The following RIMS4 variants were observed in gnomAD, a reference collection of about 807,000 sequenced individuals.
The protein encoded by RIMS4 is regulating synaptic membrane exocytosis protein 4.
Under a neutral mutation model 29.0 loss-of-function variants are expected in RIMS4, and 9 were observed. The ratio of observed to expected loss-of-function variants is 0.31; its 90% CI spans 0.19 to 0.54. The LOEUF is 0.54. RIMS4 is among the 20% of genes least tolerant of loss of function. RIMS4 has a pLI of 0.94. For missense variants in RIMS4, 193 were observed against 365.7 expected (o/e 0.53, Z 3.85); for synonymous variants, 130 against 152.9 (o/e 0.85, Z 1.10).
rs1366127349 is a variant in RIMS4, at chr20:44,809,925, TG to T, written c.97+249del. On this transcript the variant is annotated intron_variant, in intron 1 of 5. Transcript: ENST00000372851. ...CAATAGGCGCGGGTGAGGAGGGAGA[TG>T]GGTCCTGGCGACCCAAAGGGCCCAC... Among the ~76,000 whole-genome samples the T allele has an allele frequency of 2.0e-5, 3 of 150,730 alleles. 1 individual carries two copies. The highest frequency in any genetic ancestry group is 6.3e-3 in the Middle Eastern group (2 of 316).
chr20:44,789,201 T>C (rs1054475108), intron 1 of RIMS4, among the ~76,000 whole-genome samples: 20 of 152,188 alleles, frequency 1.3e-4, no homozygotes, highest in African/African-American at 4.6e-4. Context: ...AAAATCTCTA[T>C]ATTTTTTACC....
chr20:44,781,870 C>A (rs1364022121), intron 1 of RIMS4, among the ~76,000 whole-genome samples: 3 of 152,182 alleles, frequency 2.0e-5, no homozygotes, highest in Non-Finnish European at 4.4e-5. Context: ...GGAAGCTACA[C>A]AATCCACACA....
chr20:44,810,169 G>A lies in RIMS4; in HGVS notation c.97+6C>T. 1 of 1,577,124 alleles carries A rather than the reference G, an allele frequency of 6.3e-7. No individual in the cohort carries two copies. Among genetic ancestry groups the A allele is most frequent in the South Asian group, 1.1e-5 (1 of 88,194 alleles). On this transcript the variant is annotated splice_donor_region_variant and intron_variant, in intron 1 of 5. Transcript: ENST00000372851. The stretch of plus-strand genomic sequence containing the variant: ...CGGGGGTCTGGGGGGCGGGCCGCGC[G>A]CTTACCTGCGTCCTCGTCGTCGAAG...
At position 44,753,057 on chromosome 20, in the gene RIMS4, G is replaced by A. The variant is rs189938971; in HGVS notation, c.*3077C>T. 355 of 152,900 alleles carry A rather than the reference G, an allele frequency of 2.3e-3. 2 individuals are homozygous for A. Among genetic ancestry groups the A allele is most frequent in the Admixed American group, 0.011 (165 of 15,302 alleles). 9.5% of individuals were successfully genotyped at this position (152,900 alleles called of 1,614,324 possible). A position where few individuals can be genotyped will look rare whatever the true frequency, so the allele number is the denominator to read the frequency against. ...CCCAGCAGACATGCACTGGAGCAAC[G>A]GTCTCCTGTCGCCTGAAGAACAATG... On this transcript the variant is annotated 3_prime_UTR_variant, in exon 6 of 6. Coordinates refer to ENST00000372851, the MANE Select transcript of RIMS4 (RefSeq NM_182970.4).
intron 1 of RIMS4, among the ~76,000 whole-genome samples, chr20:44,772,352 G>T (rs2066140892): frequency 6.6e-6 from 1 of 152,142 alleles, no homozygotes; most frequent in Admixed American, 6.5e-5. Context: ...AGCTTCCTCT[G>T]CGAAGACCAT....
intron 1 of RIMS4, among the ~76,000 whole-genome samples, chr20:44,797,375 A>G (rs1433210096): frequency 6.6e-6 from 1 of 152,242 alleles, no homozygotes; most frequent in East Asian, 1.9e-4. Flanking sequence ...GGCCCTTTAC[A>G]GAAGCAGCTT....
chr20:44,761,588 G>A (rs1448270707), intron 2 of RIMS4, among the ~76,000 whole-genome samples: 1 of 152,206 alleles, frequency 6.6e-6, no homozygotes, highest in Non-Finnish European at 1.5e-5. Context: ...CAGTGGGCCT[G>A]AGCTCCAGCT....
At position 44,753,550 on chromosome 20, in the gene RIMS4, G is replaced by A. The variant is rs1239476647; in HGVS notation, c.*2584C>T. On this transcript the variant is annotated 3_prime_UTR_variant, in exon 6 of 6. Coordinates refer to ENST00000372851, the MANE Select transcript of RIMS4 (RefSeq NM_182970.4). ...GACCCCAGCCCCCCAGTGGCCCCTA[G>A]TGCCAGCCTCTCTGCTCCTCTTCAA... is the stretch of plus-strand genomic sequence containing the variant. 6.6e-6 allele frequency: 1 copy of A among 152,364 alleles called. No individual in the cohort carries two copies. The highest frequency in any genetic ancestry group is 6.5e-5 in the Admixed American group (1 of 15,284). The allele number at this position is 152,364 out of a possible 1,614,324, so 9.4% of individuals were successfully genotyped here.
rs541625787 is a variant in RIMS4 at position 44,804,428 on chromosome 20, G to A, written c.97+5747C>T. Among the ~76,000 whole-genome samples, 5 of 152,302 alleles carry A rather than the reference G, an allele frequency of 3.3e-5. No homozygotes were observed. In the South Asian group the frequency reaches 1.0e-3, roughly 32 times the overall value. ...TGGAACTGACGAGGAATGCAGAATG[G>A]GAGAAGGTTTATAGTGGGGGAGATA... On this transcript the variant is annotated intron_variant, in intron 1 of 5. Coordinates refer to ENST00000372851, the MANE Select transcript of RIMS4 (RefSeq NM_182970.4).
At chr20:44,802,899 T>C (rs978341641) in intron 1 of RIMS4, among the ~76,000 whole-genome samples, 2 of 152,198 alleles carry the variant, frequency 1.3e-5, no homozygotes, top group Admixed American at 6.5e-5. Context: ...AAACTCGCAC[T>C]GACCTCAGGG....
chr20:44,792,748 T>C (rs1601040474), intron 1 of RIMS4, among the ~76,000 whole-genome samples: 1 of 152,222 alleles, frequency 6.6e-6, no homozygotes, highest in Non-Finnish European at 1.5e-5. Context: ...ACCTGGCATA[T>C]ATGAAATAAT....
At position 44,756,921 on chromosome 20, in the gene RIMS4, T is replaced by C; in HGVS notation, c.568A>G (p.Ser190Gly). ...ACCTGGAGGACTTTGCCCTGGGGAC[T>C]CTCAGGAAACAGCAGCACCTGGTTA... Reference protein sequence around the residue: ...LYNQVLLFPESPQGKVLQVIV... With the variant: ...LYNQVLLFPEGPQGKVLQVIV... The change falls in exon 5 of 6, where the codon AGT (serine) becomes GGT (glycine). Residue 190 changes from serine (S) to glycine (G), a missense_variant. By Grantham distance (56) the Ser-to-Gly change is moderately conservative. Transcript: ENST00000372851. This position sits in a 1 kb window ranked among gnomAD's most constrained non-coding sequence, Gnocchi z 5.9. 6.2e-7 allele frequency: 1 copy of C among 1,614,014 alleles called. No individual in the cohort carries two copies. The highest frequency in any genetic ancestry group is 8.5e-7 in the Non-Finnish European group (1 of 1,179,944).
At chr20:44,793,223 C>A (rs555317081) in intron 1 of RIMS4, among the ~76,000 whole-genome samples, 4 of 152,320 alleles carry the variant, frequency 2.6e-5, no homozygotes, top group African/African-American at 9.6e-5. Context: ...TTGTGCGGCC[C>A]AGGGCAGGAG....
intron 2 of RIMS4, among the ~76,000 whole-genome samples, chr20:44,764,123 C>CATTT: frequency 2.0e-5 from 3 of 150,970 alleles, no homozygotes; most frequent in African/African-American, 7.3e-5. Context: ...TTTATCCATC[C>CATTT]ATCCATCCAT....
intron 1 of RIMS4, among the ~76,000 whole-genome samples, chr20:44,802,944 C>G (rs1057246548): frequency 6.6e-6 from 1 of 152,206 alleles, no homozygotes; most frequent in African/African-American, 2.4e-5. Flanking sequence ...CTGGAACACT[C>G]TTCCTCCTCA....
intron 2 of RIMS4, among the ~76,000 whole-genome samples, chr20:44,764,820 C>A (rs892701707): frequency 6.6e-6 from 1 of 152,154 alleles, no homozygotes; most frequent in Non-Finnish European, 1.5e-5. Context: ...TTCTCGTTTT[C>A]AAAACAAGTA....
chr20:44,807,730 G>A (rs892975937), intron 1 of RIMS4, among the ~76,000 whole-genome samples: 1 of 152,198 alleles, frequency 6.6e-6, no homozygotes, highest in Admixed American at 6.5e-5. Context: ...ACTTTAAGGA[G>A]AACAGGAGAA....
At chr20:44,781,642 T>C (rs911924032) in intron 1 of RIMS4, among the ~76,000 whole-genome samples, 1 of 151,996 alleles carries the variant, frequency 6.6e-6, no homozygotes, top group African/African-American at 2.4e-5. Flanking sequence ...GCAGGGGTGG[T>C]CAGGGGAAAG....
At chr20:44,769,320 G>A (rs1005119176) in intron 2 of RIMS4, among the ~76,000 whole-genome samples, 3 of 152,186 alleles carry the variant, frequency 2.0e-5, no homozygotes, top group Non-Finnish European at 4.4e-5. Flanking sequence ...AAACGGAAAT[G>A]CAGGTTTGAC....
Sources: gnomAD v4.1 joint callset for allele counts (sites outside exome capture counted in the v4.1 genomes callset) on GRCh38, gnomAD v4.1.1 for gene constraint, Gnocchi (gnomAD v3.1) non-coding constraint, MANE v1.5 for transcripts, NCBI Gene and HGNC (gene_info 2026-07-23, HGNC 2026-07-21) for gene names.